The following ZFHX3 variants were observed in gnomAD, a reference collection of about 807,000 sequenced individuals.
ZFHX3 encodes the protein zinc finger homeobox protein 3.
Under a neutral mutation model 279.1 loss-of-function variants are expected in ZFHX3, and 42 were observed. The ratio of observed to expected loss-of-function variants is 0.15; its 90% CI spans 0.12 to 0.19. The LOEUF (loss-of-function observed/expected upper bound fraction) is 0.19. Among genes scored for constraint, ZFHX3 ranks in the 10% least tolerant of loss-of-function variants. The pLI, the probability that ZFHX3 is intolerant of heterozygous loss-of-function variation, is 1.00. For synonymous variants in ZFHX3, 2,293 were observed against 1,957.8 expected, an observed-to-expected ratio of 1.17 and a Z score of -4.52; for missense variants, 4,981 against 4,754.0, an observed-to-expected ratio of 1.05 and a Z score of -1.40.
chr16:73,809,433 C>T (rs7187346), intron 1 of ZFHX3: 14,742 of 152,238 alleles, frequency 0.097, 969 homozygotes, highest in East Asian at 0.27. Flanking sequence ...GAGTCCACGC[C>T]TCCTCACCTA....
chr16:73,506,016 A>C (rs2019319888), intron 2 of ZFHX3, among the ~76,000 whole-genome samples: 1 of 152,234 alleles, frequency 6.6e-6, no homozygotes, highest in South Asian at 2.1e-4. Context: ...AGGGGATCAC[A>C]CGACAGCGGA....
chr16:73,854,810 G>C (rs2142383602), intron 1 of ZFHX3, among the ~76,000 whole-genome samples: 1 of 148,988 alleles, frequency 6.7e-6, no homozygotes, highest in South Asian at 2.1e-4. Flanking sequence ...GTCTGTCTAG[G>C]ACATGAAACA....
intron 3 of ZFHX3, among the ~76,000 whole-genome samples, chr16:73,347,631 T>C (rs2143275425): frequency 2.0e-5 from 3 of 151,676 alleles, no homozygotes; most frequent in South Asian, 4.2e-4. Flanking sequence ...ATGACTGCTA[T>C]GGTAACACAT....
At chr16:73,334,737 C>A (rs2015875515) in intron 3 of ZFHX3, among the ~76,000 whole-genome samples, 1 of 151,636 alleles carries the variant, frequency 6.6e-6, no homozygotes, top group Non-Finnish European at 1.5e-5. Flanking sequence ...AACCTGTCCC[C>A]TCCTCCTCTC....
At chr16:72,954,673 C>T (rs774270749) in intron 2 of ZFHX3, among the ~76,000 whole-genome samples, 2 of 152,188 alleles carry the variant, frequency 1.3e-5, no homozygotes, top group African/African-American at 4.8e-5. Flanking sequence ...TGGTGCTATG[C>T]TAAACTTCAG....
At chr16:73,751,247 A>G (rs1464090986) in intron 1 of ZFHX3, among the ~76,000 whole-genome samples, 1 of 152,228 alleles carries the variant, frequency 6.6e-6, no homozygotes, top group Admixed American at 6.5e-5. Context: ...ACAAATGTTT[A>G]TTCAACAAGT....
At chr16:72,942,604 C>A (rs1960463948) in intron 3 of ZFHX3, among the ~76,000 whole-genome samples, 1 of 152,168 alleles carries the variant, frequency 6.6e-6, no homozygotes, top group Non-Finnish European at 1.5e-5. Flanking sequence ...CCTTTGGAAT[C>A]CAAAAGGAGA....
chr16:73,070,947 C>T (rs1044237354), intron 8 of ZFHX3, among the ~76,000 whole-genome samples: 1 of 133,092 alleles, frequency 7.5e-6, no homozygotes, highest in Non-Finnish European at 1.6e-5. Flanking sequence ...CGCACACACA[C>T]ACACACACAC....
At chr16:73,708,068 T>A (rs2053322225) in intron 1 of ZFHX3, among the ~76,000 whole-genome samples, 1 of 81,508 alleles carries the variant, frequency 1.2e-5, no homozygotes, top group Non-Finnish European at 3.2e-5. Context: ...TGTTTCATAA[T>A]TTGGGTGTGG....
intron 1 of ZFHX3, among the ~76,000 whole-genome samples, chr16:73,047,255 C>T (rs970164832): frequency 2.0e-5 from 3 of 151,964 alleles, no homozygotes; most frequent in Admixed American, 2.0e-4. Context: ...AATGCTCTGA[C>T]TTTTCCAAGA....
intron 5 of ZFHX3, among the ~76,000 whole-genome samples, chr16:73,246,869 A>G (rs1300852950): frequency 2.0e-5 from 3 of 152,210 alleles, no homozygotes; most frequent in Non-Finnish European, 4.4e-5. Flanking sequence ...GAAGTTTTGT[A>G]AAGTAATATT....
chr16:73,151,499 A>T (rs1345508126), intron 5 of ZFHX3, among the ~76,000 whole-genome samples: 1 of 152,130 alleles, frequency 6.6e-6, no homozygotes, highest in Non-Finnish European at 1.5e-5. Flanking sequence ...TCTGGGTCTG[A>T]TATCAGGATA....
intron 4 of ZFHX3, among the ~76,000 whole-genome samples, chr16:72,835,835 C>T (rs368360162): frequency 1.3e-5 from 2 of 152,112 alleles, no homozygotes; most frequent in African/African-American, 4.8e-5. Flanking sequence ...AACTGGAAAA[C>T]GAGGGCAGAA....
intron 1 of ZFHX3, among the ~76,000 whole-genome samples, chr16:73,850,115 A>G (rs185400625): frequency 1.3e-5 from 2 of 152,332 alleles, no homozygotes; most frequent in African/African-American, 4.8e-5. Context: ...GTTGGCTCCT[A>G]GAAACCATGG....
At chr16:73,437,986 G>A (rs6564204) in intron 3 of ZFHX3, among the ~76,000 whole-genome samples, 103,602 of 151,940 alleles carry the variant, frequency 0.68, 35,677 homozygotes, top group Non-Finnish European at 0.73. Context: ...TTCAACATCA[G>A]TGTTCAACTT....
At chr16:73,312,060 G>A (rs898518148) in intron 4 of ZFHX3, among the ~76,000 whole-genome samples, 3 of 152,172 alleles carry the variant, frequency 2.0e-5, no homozygotes, top group South Asian at 4.1e-4. Flanking sequence ...GGTGTGTGAC[G>A]TATTTTAAGG....
chr16:73,111,881 G>A (rs1272522667), intron 7 of ZFHX3, among the ~76,000 whole-genome samples: 3 of 152,134 alleles, frequency 2.0e-5, no homozygotes, highest in Non-Finnish European at 4.4e-5. Context: ...TTTTATGGAT[G>A]GGAAAACGAG....
intron 2 of ZFHX3, among the ~76,000 whole-genome samples, chr16:73,560,477 T>C (rs947794509): frequency 6.6e-6 from 1 of 152,200 alleles, no homozygotes; most frequent in Non-Finnish European, 1.5e-5. Context: ...TTTCTACACT[T>C]AGGGCCCTGT....
At chr16:73,806,941 C>T (rs1291577738) in intron 1 of ZFHX3, among the ~76,000 whole-genome samples, 1 of 152,136 alleles carries the variant, frequency 6.6e-6, no homozygotes, top group Non-Finnish European at 1.5e-5. Flanking sequence ...GCGAGCGTTC[C>T]ATCCAATTCC....
Sources: gnomAD v4.1 joint callset for allele counts (sites outside exome capture counted in the v4.1 genomes callset) on GRCh38, gnomAD v4.1.1 for gene constraint, MANE v1.5 for transcripts, NCBI Gene and HGNC (gene_info 2026-07-23, HGNC 2026-07-21) for gene names.